PLET1: variants seen among roughly 807,000 people sequenced by gnomAD.
The protein encoded by PLET1 is placenta-expressed transcript 1 protein.
PLET1 carries 20 observed loss-of-function variants against 18.5 expected under a neutral mutation model. That is an observed-to-expected ratio of 1.08 (90% CI 0.76 to 1.57). PLET1 has a LOEUF of 1.57. Among genes scored for constraint, PLET1 ranks in the 40% most tolerant of loss-of-function variants. The pLI is 0.00. For synonymous variants in PLET1, 93 were observed against 93.8 expected, an observed-to-expected ratio of 0.99 and a Z score of 0.05; for missense variants, 256 against 246.4, an observed-to-expected ratio of 1.04 and a Z score of -0.26.
chr11:112,259,223 A>G (rs371733156), intron 1 of PLET1, among the ~76,000 whole-genome samples: 4 of 152,218 alleles, frequency 2.6e-5, no homozygotes, highest in African/African-American at 9.6e-5. Context: ...GGAAGAGTAT[A>G]TAGTGGTTAA....
Position 112,260,618 on chromosome 11 carries a change from C to G in PLET1, c.-29G>C. ...CTCAGTCTGTTTGGAAAGTGCTAGGCCTGGAATTGGGTGAAACTGACAACT... is the reference window on the plus strand; with the variant it reads ...CTCAGTCTGTTTGGAAAGTGCTAGGGCTGGAATTGGGTGAAACTGACAACT... On this transcript the variant is annotated 5_prime_UTR_variant, in exon 1 of 4. Coordinates refer to ENST00000338832, the MANE Select transcript of PLET1 (RefSeq NM_001145024.1). 2.6e-6 allele frequency: 4 copies of G among 1,536,200 alleles called. No homozygotes were observed. Among genetic ancestry groups the G allele is most frequent in the Non-Finnish European group, 3.5e-6 (4 of 1,138,656 alleles).
chr11:112,258,716 A>G (rs998150768), intron 1 of PLET1, among the ~76,000 whole-genome samples: 16 of 152,124 alleles, frequency 1.1e-4, no homozygotes, highest in African/African-American at 3.9e-4. Flanking sequence ...GGTTGCACAT[A>G]TGTCCACCTG....
intron 3 of PLET1, among the ~76,000 whole-genome samples, chr11:112,249,228 A>G (rs1431526498): frequency 6.6e-6 from 1 of 152,214 alleles, no homozygotes; most frequent in Admixed American, 6.5e-5. Flanking sequence ...GCATAGTTCT[A>G]TGAGATGAGG....
In PLET1 at chr11:112,250,220, C is replaced by CTTTTTTTTTTTT. The variant is rs33963716; in HGVS notation, c.449-1258_449-1247dup. The stretch of plus-strand genomic sequence containing the variant: ...TAACGAGTCCTGACTAGAAACAAAC[C>CTTTTTTTTTTTT]TTTTTTTTTTTTTTTTTTTTTTTTT... On this transcript the variant is annotated intron_variant, in intron 3 of 3. Transcript: ENST00000338832. Among the ~76,000 whole-genome samples the CTTTTTTTTTTTT allele has an allele frequency of 5.6e-3, 279 of 49,882 alleles. 2 individuals carry two copies. Among genetic ancestry groups the CTTTTTTTTTTTT allele is most frequent in the Non-Finnish European group, 6.7e-3 (197 of 29,366 alleles). 32.7% of individuals were successfully genotyped at this position (49,882 alleles called of 152,430 possible).
Position 112,248,365 on chromosome 11 carries a change from A to G in PLET1, c.*434T>C, listed in dbSNP as rs184762972. 7.0e-5 allele frequency: 27 copies of G among 386,290 alleles called. No individual in the cohort carries two copies. The East Asian group carries it at 9.3e-4, about 13-fold the overall frequency. 23.9% of individuals were successfully genotyped at this position (386,290 alleles called of 1,614,324 possible). A position where few individuals can be genotyped will look rare whatever the true frequency, so the allele number is the denominator to read the frequency against. On this transcript the variant is annotated 3_prime_UTR_variant, in exon 4 of 4. Coordinates refer to ENST00000338832, the MANE Select transcript of PLET1 (RefSeq NM_001145024.1). ...CTTTCTTGAGTCACATGAGTCACAG[A>G]AGTTCCTTGTAACCTGAATGGGTTT...
At position 112,260,723 on chromosome 11, in the gene PLET1, G is replaced by T; in HGVS notation, c.-134C>A. On this transcript the variant is annotated 5_prime_UTR_variant, in exon 1 of 4. Coordinates refer to ENST00000338832, the MANE Select transcript of PLET1 (RefSeq NM_001145024.1). ...TCCCTGCCCCTTCTGAATATACATT[G>T]GATTCTGGAATTTGGCCCAAGACAT... is the stretch of plus-strand genomic sequence containing the variant. 1 of 761,518 alleles carries T rather than the reference G, an allele frequency of 1.3e-6. No individual in the cohort carries two copies. Among genetic ancestry groups the T allele is most frequent in the Non-Finnish European group, 2.0e-6 (1 of 489,458 alleles). 47.2% of individuals were successfully genotyped at this position (761,518 alleles called of 1,614,324 possible).
In PLET1 at chr11:112,248,779, A is replaced by G; in HGVS notation, c.*20T>C. 1 of 1,550,266 alleles carries G rather than the reference A, an allele frequency of 6.5e-7. No homozygotes were observed. The highest frequency in any genetic ancestry group is 8.7e-7 in the Non-Finnish European group (1 of 1,146,002). On this transcript the variant is annotated 3_prime_UTR_variant, in exon 4 of 4. Coordinates refer to ENST00000338832, the MANE Select transcript of PLET1 (RefSeq NM_001145024.1). ...GGAGGATGCAGTGGAGGCAGAAACAATTGTTTCCCTGGCTTCCCTTTAGAA... is the reference window on the plus strand; with the variant it reads ...GGAGGATGCAGTGGAGGCAGAAACAGTTGTTTCCCTGGCTTCCCTTTAGAA...
intron 3 of PLET1, among the ~76,000 whole-genome samples, chr11:112,251,181 A>G (rs1860151125): frequency 6.6e-6 from 1 of 152,176 alleles, no homozygotes; most frequent in South Asian, 2.1e-4. Context: ...GTGGAAAAAT[A>G]TGATATGGAA....
At chr11:112,254,184 A>G (rs2135417267) in intron 2 of PLET1, among the ~76,000 whole-genome samples, 1 of 122,724 alleles carries the variant, frequency 8.1e-6, no homozygotes, top group East Asian at 2.5e-4. Flanking sequence ...GATGTTGAGC[A>G]TAAGTGGTGT....
chr11:112,255,283 A>C (rs1860213892), intron 2 of PLET1, 105 bp downstream of exon 2: 2 of 1,187,408 alleles, frequency 1.7e-6, no homozygotes, highest in Non-Finnish European at 1.2e-6. Context: ...TGAGTTCTCC[A>C]TATCACGTCT....
In PLET1 at chr11:112,260,438, G is replaced by A. The variant is rs978314151; in HGVS notation, c.152C>T (p.Ser51Leu). The A allele has an allele frequency of 1.3e-6, 2 of 1,551,832 alleles. No individual in the cohort carries two copies. Among genetic ancestry groups the A allele is most frequent in the Admixed American group, 3.9e-5 (2 of 51,002 alleles). ...GACTGCATTGCTTTCGTAGATATGT[G>A]AACTGGCCTTGATGTCTAGGGTTAT... ...YTITLDIKASSHIYESNAVYS... is the reference protein window; with the variant it reads ...YTITLDIKASLHIYESNAVYS... Residue 51 changes from serine (S) to leucine (L), a missense_variant, in exon 1 of 4, where the codon TCA becomes TTA. Transcript: ENST00000338832.
At chr11:112,251,621 A>G (rs1411719682) in intron 3 of PLET1, among the ~76,000 whole-genome samples, 1 of 150,850 alleles carries the variant, frequency 6.6e-6, no homozygotes, top group Non-Finnish European at 1.5e-5. Context: ...TGTGTTGCCC[A>G]GGTTGGTCTT....
chr11:112,248,634 A>G lies in PLET1; in HGVS notation c.*165T>C, dbSNP rs1860124110. 2.8e-6 allele frequency: 2 copies of G among 704,896 alleles called. No individual in the cohort carries two copies. The highest frequency in any genetic ancestry group is 4.7e-6 in the Non-Finnish European group (2 of 428,568). The allele number at this position is 704,896 out of a possible 1,614,324, so 43.7% of individuals were successfully genotyped here. Reference sequence around the variant, plus strand: ...ACATCTATGTGACCCAAGCCTGCCAATGAGTGCCTCCAGATCTTTGTTTTG... The same window carrying G: ...ACATCTATGTGACCCAAGCCTGCCAGTGAGTGCCTCCAGATCTTTGTTTTG... On this transcript the variant is annotated 3_prime_UTR_variant, in exon 4 of 4. Coordinates refer to ENST00000338832, the MANE Select transcript of PLET1 (RefSeq NM_001145024.1).
At position 112,248,847 on chromosome 11, in the gene PLET1, C is replaced by A. The variant is rs1043217714; in HGVS notation, c.576G>T (p.Glu192Asp). The A allele has an allele frequency of 3.9e-6, 6 of 1,551,396 alleles. No individual in the cohort carries two copies. Among genetic ancestry groups the A allele is most frequent in the Non-Finnish European group, 5.2e-6 (6 of 1,146,960 alleles). The part of the protein sequence containing the change: ...ANQVFSSPIT[E>D]AIYILLAFLT... ...GAAAAGCAAGCAGGATATAAATGGC[C>A]TCTGTGATGGGGCTGCTGAAGACTT... Residue 192 changes from glutamate (E) to aspartate (D), a missense_variant, in exon 4 of 4, where the codon GAG (glutamate) becomes GAT (aspartate). Physicochemically the swap from Glu to Asp is conservative, Grantham distance 45. Transcript: ENST00000338832.
intron 1 of PLET1, among the ~76,000 whole-genome samples, chr11:112,256,241 A>G (rs1860223080): frequency 1.3e-5 from 2 of 152,190 alleles, no homozygotes; most frequent in Admixed American, 6.5e-5. Context: ...GAGGGCATTT[A>G]AAGAAAATAT....
At chr11:112,250,866 T>A (rs1013872609) in intron 3 of PLET1, among the ~76,000 whole-genome samples, 1 of 152,214 alleles carries the variant, frequency 6.6e-6, no homozygotes, top group African/African-American at 2.4e-5. Context: ...CTACTCTCTG[T>A]TTTCTTGCAG....
At chr11:112,259,872 T>C (rs543105273) in intron 1 of PLET1, among the ~76,000 whole-genome samples, 3 of 152,206 alleles carry the variant, frequency 2.0e-5, no homozygotes, top group East Asian at 1.9e-4. Flanking sequence ...GCCCCATCTC[T>C]ACTAAAATAC....
intron 2 of PLET1, among the ~76,000 whole-genome samples, chr11:112,255,103 TATGTGTG>T: frequency 1.0e-5 from 1 of 97,540 alleles, no homozygotes; most frequent in Non-Finnish European, 2.2e-5. Flanking sequence ...GTGTGGTATG[TATGTGTG>T]GTGTATGTGT....
chr11:112,255,345 A>G (rs1480843638), intron 2 of PLET1, 43 bp downstream of exon 2: 2 of 1,527,080 alleles, frequency 1.3e-6, no homozygotes, highest in East Asian at 2.5e-5. Flanking sequence ...TAAACCCAAT[A>G]TGAAAATTTT....
Sources: gnomAD v4.1 joint callset for allele counts (sites outside exome capture counted in the v4.1 genomes callset) on GRCh38, gnomAD v4.1.1 for gene constraint, MANE v1.5 for transcripts, NCBI Gene and HGNC (gene_info 2026-07-23, HGNC 2026-07-21) for gene names.